The following KHDRBS2 variants were observed in gnomAD, a reference collection of about 807,000 sequenced individuals.
KHDRBS2 encodes the protein KH domain-containing, RNA-binding, signal transduction-associated protein 2.
In KHDRBS2, 26 loss-of-function variants were observed where a neutral mutation model predicts 44.3. The observed-to-expected ratio is 0.59, with a 90% CI of 0.43 to 0.81. The LOEUF (loss-of-function observed/expected upper bound fraction) is 0.81. Ranked by LOEUF, KHDRBS2 falls within the 40% of genes least tolerant of loss-of-function variation. The pLI, the probability that KHDRBS2 is intolerant of heterozygous loss-of-function variation, is 0.00. For synonymous variants in KHDRBS2, 194 were observed against 151.1 expected, an observed-to-expected ratio of 1.28 and a Z score of -2.08; for missense variants, 476 against 433.1, an observed-to-expected ratio of 1.10 and a Z score of -0.88.
intron 2 of KHDRBS2, among the ~76,000 whole-genome samples, chr6:62,128,207 T>A (rs1809420508): frequency 6.6e-6 from 1 of 152,138 alleles, no homozygotes; most frequent in East Asian, 1.9e-4. Flanking sequence ...AGATCTTTAC[T>A]CTTCCCTTTA....
intron 3 of KHDRBS2, among the ~76,000 whole-genome samples, chr6:62,016,667 T>C (rs1199321101): frequency 6.6e-6 from 1 of 150,626 alleles, no homozygotes; most frequent in Non-Finnish European, 1.5e-5. Flanking sequence ...TTATATATAG[T>C]CTGATCGAGA....
the KHDRBS2 span, among the ~76,000 whole-genome samples, chr6:61,674,086 G>T: frequency 6.6e-6 from 1 of 151,812 alleles, no homozygotes; most frequent in African/African-American, 2.4e-5. Flanking sequence ...TTTCTTAAAT[G>T]TGAAAATGGA....
chr6:61,782,434 T>G (rs930254445), intron 6 of KHDRBS2, among the ~76,000 whole-genome samples: 1 of 151,882 alleles, frequency 6.6e-6, no homozygotes, highest in African/African-American at 2.4e-5. Context: ...TTAGTTTATT[T>G]TTGCAGTTCG....
chr6:61,553,167 T>A, the KHDRBS2 span, among the ~76,000 whole-genome samples: 2 of 152,210 alleles, frequency 1.3e-5, no homozygotes, highest in African/African-American at 2.4e-5. Context: ...TATTACTGAT[T>A]CAAATTCAAA....
At chr6:61,697,131 G>T in intron 8 of KHDRBS2, 64 bp downstream of exon 8, 1 of 1,035,690 alleles carries the variant, frequency 9.7e-7, no homozygotes, top group South Asian at 1.3e-5. Flanking sequence ...TGGAAATAAT[G>T]TTTGAATTGT....
chr6:61,555,656 G>A, the KHDRBS2 span, among the ~76,000 whole-genome samples: 5 of 152,280 alleles, frequency 3.3e-5, no homozygotes, highest in Admixed American at 2.0e-4. Flanking sequence ...TTCAACTCTC[G>A]AAGTTGCTGT....
At chr6:61,968,905 T>C (rs1335341143) in intron 4 of KHDRBS2, among the ~76,000 whole-genome samples, 2 of 151,970 alleles carry the variant, frequency 1.3e-5, no homozygotes, top group Admixed American at 1.3e-4. Flanking sequence ...TGGAGCTCTG[T>C]GGCTTCTGAG....
At chr6:61,772,887 G>A (rs1219558688) in intron 6 of KHDRBS2, among the ~76,000 whole-genome samples, 12 of 151,878 alleles carry the variant, frequency 7.9e-5, no homozygotes, top group Non-Finnish European at 1.0e-4. Context: ...GAGAATATGC[G>A]GTGTTTGGTT....
intron 6 of KHDRBS2, among the ~76,000 whole-genome samples, chr6:61,743,776 C>CT (rs2127565194): frequency 7.7e-6 from 1 of 130,300 alleles, no homozygotes; most frequent in East Asian, 2.3e-4. Context: ...TGCTATCCCC[C>CT]CCCTCCCCCC....
rs144446795 is a variant in KHDRBS2 at position 61,781,330 on chromosome 6, A to C, written c.811-48566T>G. Among the ~76,000 whole-genome samples, 799 of 152,298 alleles carry C rather than the reference A, an allele frequency of 5.2e-3. 8 individuals carry two copies. The highest frequency in any genetic ancestry group is 0.018 in the African/African-American group (768 of 41,570). On this transcript the variant is annotated intron_variant, in intron 6 of 8. Transcript: ENST00000281156. ...AACTGGTAAAATGTGAATAATATTC[A>C]TAATATAAATGAAATTTCCTCTTAA...
At chr6:61,721,260 G>T (rs957572674) in intron 7 of KHDRBS2, among the ~76,000 whole-genome samples, 1 of 151,968 alleles carries the variant, frequency 6.6e-6, no homozygotes, top group Non-Finnish European at 1.5e-5. Flanking sequence ...TGGGCGACGC[G>T]GGCTCTTTTT....
chr6:62,089,615 T>A (rs1336898524), intron 2 of KHDRBS2, among the ~76,000 whole-genome samples: 1 of 152,014 alleles, frequency 6.6e-6, no homozygotes. Context: ...AATGCAGAAA[T>A]CACCCAACTT....
chr6:61,871,472 G>C (rs557745802), intron 6 of KHDRBS2, among the ~76,000 whole-genome samples: 58 of 152,264 alleles, frequency 3.8e-4, no homozygotes, highest in African/African-American at 1.3e-3. Flanking sequence ...AACCTAGCAA[G>C]ACAGAATAAC....
chr6:61,707,260 G>A (rs866565276), intron 7 of KHDRBS2, among the ~76,000 whole-genome samples: 7 of 151,692 alleles, frequency 4.6e-5, no homozygotes, highest in Admixed American at 2.6e-4. Flanking sequence ...AGATGAGGTG[G>A]GGGATCAAGG....
At chr6:61,840,970 T>C (rs1793511901) in intron 6 of KHDRBS2, among the ~76,000 whole-genome samples, 1 of 152,190 alleles carries the variant, frequency 6.6e-6, no homozygotes, top group African/African-American at 2.4e-5. Flanking sequence ...TTTTATTATA[T>C]TCTGGAATTA....
intron 2 of KHDRBS2, among the ~76,000 whole-genome samples, chr6:62,088,059 T>A (rs1345454354): frequency 6.6e-6 from 1 of 152,232 alleles, no homozygotes; most frequent in Admixed American, 6.5e-5. Context: ...ATTTATGTTC[T>A]TCTCTAAACT....
At chr6:61,544,481 G>A in the KHDRBS2 span, among the ~76,000 whole-genome samples, 26,005 of 151,964 alleles carry the variant, frequency 0.17, 2,442 homozygotes, top group East Asian at 0.29. Context: ...ATAGCAAATA[G>A]CAAATAAATA....
intron 6 of KHDRBS2, among the ~76,000 whole-genome samples, chr6:61,773,484 G>A (rs563019030): frequency 5.3e-5 from 8 of 152,072 alleles, no homozygotes; most frequent in Non-Finnish European, 7.4e-5. Context: ...CTTTTTGATG[G>A]GGTTGTTTGT....
intron 2 of KHDRBS2, among the ~76,000 whole-genome samples, chr6:62,154,766 G>A (rs372909129): frequency 5.3e-5 from 8 of 152,238 alleles, no homozygotes; most frequent in Middle Eastern, 3.4e-3. Flanking sequence ...ATACTACCAC[G>A]TAGCTTTATC....
Sources: gnomAD v4.1 joint callset for allele counts (sites outside exome capture counted in the v4.1 genomes callset) on GRCh38, gnomAD v4.1.1 for gene constraint, MANE v1.5 for transcripts, NCBI Gene and HGNC (gene_info 2026-07-23, HGNC 2026-07-21) for gene names.